Variants in ZBTB38 observed in about 807,000 individuals in gnomAD.
ZBTB38 encodes the protein zinc finger and BTB domain-containing protein 38.
In ZBTB38, 20 loss-of-function variants were observed where a neutral mutation model predicts 76.8. The ratio of observed to expected loss-of-function variants is 0.26; its 90% confidence interval spans 0.18 to 0.38. The LOEUF is 0.38. Ranked by LOEUF, ZBTB38 falls within the 10% of genes least tolerant of loss-of-function variation. The pLI, the probability that ZBTB38 is intolerant of heterozygous loss-of-function variation, is 1.00. For synonymous variants in ZBTB38, 504 were observed against 544.2 expected, an observed-to-expected ratio of 0.93 and a Z score of 1.03; for missense variants, 1,082 against 1,482.3, an observed-to-expected ratio of 0.73 and a Z score of 4.43.
intron 4 of ZBTB38, chr3:141,388,598 A>G (rs926617324): frequency 1.3e-5 from 2 of 152,326 alleles, no homozygotes; most frequent in African/African-American, 2.4e-5. Context: ...TTTAGTTTCA[A>G]ATTTAACACT....
intron 5 of ZBTB38, among the ~76,000 whole-genome samples, chr3:141,414,351 C>T (rs748143141): frequency 1.3e-5 from 2 of 152,204 alleles, no homozygotes; most frequent in African/African-American, 4.8e-5. Flanking sequence ...CGAATTCCCT[C>T]AGTGGCAACC....
chr3:141,398,614 G>A (rs1228735974), intron 4 of ZBTB38, among the ~76,000 whole-genome samples: 1 of 151,980 alleles, frequency 6.6e-6, no homozygotes, highest in Admixed American at 6.6e-5. Flanking sequence ...TCAGCTGCTA[G>A]GCAATCTTGT....
chr3:141,417,177 C>T (rs149265584), intron 5 of ZBTB38, among the ~76,000 whole-genome samples: 49 of 152,290 alleles, frequency 3.2e-4, no homozygotes, highest in Middle Eastern at 6.8e-3. Context: ...GTTCATGCTC[C>T]CCTTTTAGCC....
chr3:141,355,222 C>T (rs1559918272), intron 1 of ZBTB38, among the ~76,000 whole-genome samples: 1 of 152,008 alleles, frequency 6.6e-6, no homozygotes, highest in Non-Finnish European at 1.5e-5. Context: ...TGTGTAATAG[C>T]AATACCCAGA....
chr3:141,430,245 T>G (rs1382694949), intron 5 of ZBTB38, among the ~76,000 whole-genome samples: 1 of 152,058 alleles, frequency 6.6e-6, no homozygotes, highest in East Asian at 1.9e-4. Flanking sequence ...TTTTTTGTAC[T>G]TAGTAGAGAT....
chr3:141,352,171 A>G (rs1169915968), intron 1 of ZBTB38, among the ~76,000 whole-genome samples: 1 of 152,128 alleles, frequency 6.6e-6, no homozygotes, highest in Non-Finnish European at 1.5e-5. Flanking sequence ...ATTTTTTTAT[A>G]TATCAAGTGA....
At chr3:141,397,952 G>C (rs1005174878) in intron 4 of ZBTB38, among the ~76,000 whole-genome samples, 1 of 152,162 alleles carries the variant, frequency 6.6e-6, no homozygotes, top group Non-Finnish European at 1.5e-5. Flanking sequence ...TAGGAAAATG[G>C]CACCAGTCAG....
intron 3 of ZBTB38, among the ~76,000 whole-genome samples, chr3:141,382,500 C>T (rs72988344): frequency 0.012 from 1,778 of 152,040 alleles, 28 homozygotes; most frequent in African/African-American, 0.041. Context: ...AAACTAGACT[C>T]CACTAGGTTT....
In ZBTB38 at chr3:141,448,637, A is replaced by T. The variant is rs1317251809; in HGVS notation, c.*2661A>T. 6.6e-6 allele frequency: 1 copy of T among 152,228 alleles called. No homozygotes were observed. The highest frequency in any genetic ancestry group is 1.9e-4 in the East Asian group (1 of 5,202). 9.4% of individuals were successfully genotyped at this position (152,228 alleles called of 1,614,324 possible). ...CAGATGTTAAGGATTGGAAAAGTCT[A>T]ATTTTATTTTTAGAAATAATGGATA... On this transcript the variant is annotated 3_prime_UTR_variant, in exon 6 of 6. Coordinates refer to ENST00000321464, the MANE Select transcript of ZBTB38 (RefSeq NM_001376113.1).
intron 5 of ZBTB38, among the ~76,000 whole-genome samples, chr3:141,432,777 G>A (rs2077899982): frequency 6.6e-6 from 1 of 152,170 alleles, no homozygotes; most frequent in Non-Finnish European, 1.5e-5. Context: ...GGAAATACTG[G>A]GAAGTAGTTA....
At chr3:141,375,862 T>C (rs138604056) in intron 2 of ZBTB38, among the ~76,000 whole-genome samples, 1 of 152,152 alleles carries the variant, frequency 6.6e-6, no homozygotes, top group Non-Finnish European at 1.5e-5. Context: ...CCTTTTTAAA[T>C]CTGAAAGGTG....
At chr3:141,354,041 G>A (rs968320503) in intron 1 of ZBTB38, among the ~76,000 whole-genome samples, 8 of 152,118 alleles carry the variant, frequency 5.3e-5, no homozygotes, top group South Asian at 4.1e-4. Flanking sequence ...TGTTGATTTC[G>A]TAAGTCAATA....
chr3:141,346,776 T>C (rs949504823), intron 1 of ZBTB38, among the ~76,000 whole-genome samples: 5 of 73,006 alleles, frequency 6.8e-5, no homozygotes, highest in African/African-American at 2.9e-4. Context: ...GGTTTTTTGT[T>C]TTGTTTTGTG....
intron 2 of ZBTB38, among the ~76,000 whole-genome samples, chr3:141,378,256 AG>A (rs1576792067): frequency 6.6e-6 from 1 of 151,762 alleles, no homozygotes; most frequent in East Asian, 1.9e-4. Context: ...TTATCAGAGG[AG>A]GAGCACAGGG....
At chr3:141,432,898 C>A (rs1414346048) in intron 5 of ZBTB38, among the ~76,000 whole-genome samples, 3 of 152,174 alleles carry the variant, frequency 2.0e-5, no homozygotes, top group Admixed American at 1.3e-4. Context: ...ATCAAGCTAA[C>A]CTTTGAGACT....
chr3:141,402,535 C>A (rs1385275137), intron 4 of ZBTB38: 1 of 150,886 alleles, frequency 6.6e-6, no homozygotes, highest in East Asian at 2.0e-4. Context: ...GTGGCGCCGC[C>A]AGCCCGATCG....
intron 4 of ZBTB38, among the ~76,000 whole-genome samples, chr3:141,391,137 G>A (rs975986548): frequency 9.2e-5 from 14 of 151,652 alleles, no homozygotes; most frequent in African/African-American, 3.4e-4. Context: ...TCCAGCCTGG[G>A]CAAAAAAGCA....
At chr3:141,409,141 G>T (rs527903217) in intron 5 of ZBTB38, among the ~76,000 whole-genome samples, 1 of 152,272 alleles carries the variant, frequency 6.6e-6, no homozygotes, top group African/African-American at 2.4e-5. Context: ...TGCCTCCCGG[G>T]TTCAAGTGAT....
At chr3:141,422,211 G>A (rs2075544230) in intron 5 of ZBTB38, among the ~76,000 whole-genome samples, 1 of 152,184 alleles carries the variant, frequency 6.6e-6, no homozygotes, top group African/African-American at 2.4e-5. Context: ...CTGCAGTACT[G>A]GGCTACCGTT....
Sources: gnomAD v4.1 joint callset for allele counts (sites outside exome capture counted in the v4.1 genomes callset) on GRCh38, gnomAD v4.1.1 for gene constraint, MANE v1.5 for transcripts, NCBI Gene and HGNC (gene_info 2026-07-23, HGNC 2026-07-21) for gene names.